SEMA3A: variants seen among roughly 807,000 people sequenced by gnomAD.
SEMA3A encodes semaphorin 3A.
In SEMA3A, 29 loss-of-function variants were observed where a neutral mutation model predicts 97.9. That is an observed-to-expected ratio of 0.30 (90% CI 0.22 to 0.40). The LOEUF is 0.40. Ranked by LOEUF, SEMA3A falls within the 10% of genes least tolerant of loss-of-function variation. SEMA3A has a pLI of 1.00. For synonymous variants in SEMA3A, 321 were observed against 323.7 expected, an observed-to-expected ratio of 0.99 and a Z score of 0.09; for missense variants, 763 against 951.3, an observed-to-expected ratio of 0.80 and a Z score of 2.60.
rs199680762 is a variant in SEMA3A at position 84,426,271 on chromosome 7, T to TATAGATAGACAGATAG, written c.-245-54372_-245-54371insCTATCTGTCTATCTAT. On this transcript the variant is annotated intron_variant, in intron 1 of 3. Transcript: ENST00000424555. The stretch of plus-strand genomic sequence containing the variant: ...GATGATAGAGAGATAGATATAGATA[T>TATAGATAGACAGATAG]ATAGACAGATAGATAGATAGATAGA... Among the ~76,000 whole-genome samples, 6 of 140,176 alleles carry TATAGATAGACAGATAG rather than the reference T, an allele frequency of 4.3e-5. No homozygotes were observed. In the East Asian group the frequency reaches 1.3e-3, roughly 29 times the overall value. The allele number at this position is 140,176 out of a possible 152,430, so 92.0% of individuals were successfully genotyped here. A position where few individuals can be genotyped will look rare whatever the true frequency, so the allele number is the denominator to read the frequency against.
chr7:84,472,453 GTATTA>G (rs746179770), intron 1 of SEMA3A, among the ~76,000 whole-genome samples: 33 of 152,064 alleles, frequency 2.2e-4, no homozygotes, highest in Non-Finnish European at 3.5e-4. Flanking sequence ...TTCGTGCTTC[GTATTA>G]TATTATGTGT....
At chr7:84,466,195 CG>C (rs1584344907) in intron 1 of SEMA3A, among the ~76,000 whole-genome samples, 1 of 151,916 alleles carries the variant, frequency 6.6e-6, no homozygotes, top group Non-Finnish European at 1.5e-5. Context: ...GCTTTTGAGA[CG>C]GAGTTTTGCT....
intron 3 of SEMA3A, among the ~76,000 whole-genome samples, chr7:84,122,566 G>A (rs7783472): frequency 0.8 from 122,203 of 152,056 alleles, 49,156 homozygotes; most frequent in East Asian, 0.93. Flanking sequence ...TATTTGATAG[G>A]CTCCCAAATT....
intron 1 of SEMA3A, among the ~76,000 whole-genome samples, chr7:84,161,145 C>T (rs763447492): frequency 6.6e-6 from 1 of 151,968 alleles, no homozygotes; most frequent in Non-Finnish European, 1.5e-5. Context: ...GTGGGCTGAT[C>T]ACGAGGTCAG....
At chr7:84,006,117 G>A (rs886820702) in intron 10 of SEMA3A, among the ~76,000 whole-genome samples, 12 of 152,146 alleles carry the variant, frequency 7.9e-5, no homozygotes, top group African/African-American at 2.6e-4. Context: ...AGCACCACAA[G>A]CATGAGTGTT....
At chr7:84,221,356 C>T (rs1401442503) in intron 3 of SEMA3A, among the ~76,000 whole-genome samples, 4 of 151,916 alleles carry the variant, frequency 2.6e-5, no homozygotes, top group African/African-American at 4.8e-5. Flanking sequence ...GTTTTACCTT[C>T]TTATCATTTG....
intron 1 of SEMA3A, among the ~76,000 whole-genome samples, chr7:84,455,080 T>C (rs942071579): frequency 2.0e-5 from 3 of 151,976 alleles, no homozygotes; most frequent in Admixed American, 6.6e-5. Flanking sequence ...ATTAAGTAGA[T>C]AGTATTGTAA....
intron 2 of SEMA3A, among the ~76,000 whole-genome samples, chr7:84,368,630 C>G (rs150177748): frequency 6.7e-6 from 1 of 150,288 alleles, no homozygotes; most frequent in African/African-American, 2.4e-5. Context: ...AAAAGATGAA[C>G]AAAAATAAGC....
chr7:84,104,368 C>A lies in SEMA3A; in HGVS notation c.453+6102G>T, dbSNP rs74672746. Among the ~76,000 whole-genome samples, 625 of 152,160 alleles carry A rather than the reference C, an allele frequency of 4.1e-3. 2 individuals carry two copies. Among genetic ancestry groups the A allele is most frequent in the East Asian group, 0.017 (89 of 5,180 alleles). On this transcript the variant is annotated intron_variant, in intron 4 of 16. Coordinates refer to ENST00000265362, the MANE Select transcript of SEMA3A (RefSeq NM_006080.3). The stretch of plus-strand genomic sequence containing the variant: ...GTGCTAAAACACAAAACTAAATATC[C>A]TTCAAGGTAAGAATTTAATGCTAAC...
intron 6 of SEMA3A, among the ~76,000 whole-genome samples, chr7:84,042,367 C>A (rs78691572): frequency 0.014 from 2,056 of 152,068 alleles, 45 homozygotes; most frequent in African/African-American, 0.047. Flanking sequence ...AGTGGGAAGG[C>A]GTCACACTCC....
chr7:84,364,090 T>A (rs915239042), intron 2 of SEMA3A, among the ~76,000 whole-genome samples: 14 of 138,462 alleles, frequency 1.0e-4, no homozygotes, highest in Non-Finnish European at 1.6e-4. Context: ...TATGTATTGG[T>A]TAACATATGA....
At chr7:84,201,227 C>T (rs751627769) in intron 3 of SEMA3A, among the ~76,000 whole-genome samples, 5 of 151,940 alleles carry the variant, frequency 3.3e-5, no homozygotes, top group Non-Finnish European at 7.4e-5. Flanking sequence ...AGGAAGAGGA[C>T]TTTTTTCTTT....
rs781108685 is a variant in SEMA3A, at chr7:84,020,035, C to CTTTTTTTTT, written c.668-5693_668-5685dup. Among the ~76,000 whole-genome samples the CTTTTTTTTT allele has an allele frequency of 3.2e-3, 189 of 58,264 alleles. 34 individuals are homozygous for CTTTTTTTTT. Among genetic ancestry groups the CTTTTTTTTT allele is most frequent in the Non-Finnish European group, 5.0e-3 (162 of 32,212 alleles). The allele number at this position is 58,264 out of a possible 152,430, so 38.2% of individuals were successfully genotyped here. ...AATATTGTTAATGATTTTTTTCTTTCTTTTTTTTTTTTTTTTTTTTTTTTT... is the reference window on the plus strand; with the variant it reads ...AATATTGTTAATGATTTTTTTCTTTCTTTTTTTTTTTTTTTTTTTTTTTTTTTTTTTTTT... On this transcript the variant is annotated intron_variant, in intron 6 of 16. Coordinates refer to ENST00000265362, the MANE Select transcript of SEMA3A (RefSeq NM_006080.3).
chr7:84,380,798 C>T (rs551166536), intron 1 of SEMA3A, among the ~76,000 whole-genome samples: 1 of 152,174 alleles, frequency 6.6e-6, no homozygotes, highest in African/African-American at 2.4e-5. Context: ...TCTCTCTGGT[C>T]CATGCACAAA....
intron 1 of SEMA3A, among the ~76,000 whole-genome samples, chr7:84,157,202 C>T (rs760788012): frequency 1.3e-5 from 2 of 152,186 alleles, no homozygotes; most frequent in Non-Finnish European, 2.9e-5. Context: ...TTTTCCTTCA[C>T]ACTGGTACTT....
At chr7:84,110,294 G>A (rs1795237575) in intron 4 of SEMA3A, among the ~76,000 whole-genome samples, 176 bp downstream of exon 4, 1 of 152,122 alleles carries the variant, frequency 6.6e-6, no homozygotes, top group African/African-American at 2.4e-5. Flanking sequence ...TTTTTGTTGA[G>A]TAATGTTCTC....
At chr7:84,484,637 G>T (rs1231216678) in intron 1 of SEMA3A, among the ~76,000 whole-genome samples, 1 of 151,966 alleles carries the variant, frequency 6.6e-6, no homozygotes, top group East Asian at 1.9e-4. Context: ...AGGATGTAAA[G>T]ATTTTATGTA....
chr7:84,332,155 T>C (rs1392709961), intron 2 of SEMA3A, among the ~76,000 whole-genome samples: 2 of 152,114 alleles, frequency 1.3e-5, no homozygotes, highest in Non-Finnish European at 1.5e-5. Flanking sequence ...GGAGACTACA[T>C]AGGTCATTGA....
At chr7:84,056,252 A>G (rs1792971666) in intron 5 of SEMA3A, among the ~76,000 whole-genome samples, 1 of 152,222 alleles carries the variant, frequency 6.6e-6, no homozygotes, top group South Asian at 2.1e-4. Flanking sequence ...CATTTCTATT[A>G]TGGCTTAGTT....
Sources: gnomAD v4.1 joint callset for allele counts (sites outside exome capture counted in the v4.1 genomes callset) on GRCh38, gnomAD v4.1.1 for gene constraint, MANE v1.5 for transcripts, NCBI Gene and HGNC (gene_info 2026-07-23, HGNC 2026-07-21) for gene names.